The following KIF2A variants were observed in gnomAD, a reference collection of about 807,000 sequenced individuals.
KIF2A encodes the protein kinesin family member 2A.
Under a neutral mutation model 100.2 loss-of-function variants are expected in KIF2A, and 22 were observed. That is an observed-to-expected ratio of 0.22 (90% CI 0.16 to 0.31). The LOEUF (loss-of-function observed/expected upper bound fraction) is 0.31, where lower values mean the gene tolerates loss of function less well. Ranked by LOEUF, KIF2A falls within the 10% of genes least tolerant of loss-of-function variation. The pLI is 1.00. For missense variants in KIF2A, 495 were observed against 898.7 expected (o/e 0.55, Z 5.74); for synonymous variants, 268 against 285.9 (o/e 0.94, Z 0.63).
chr5:62,358,341 A>G (rs1748216548), intron 9 of KIF2A, 42 bp downstream of exon 9: 3 of 1,396,576 alleles, frequency 2.1e-6, no homozygotes, highest in Non-Finnish European at 2.9e-6. Flanking sequence ...TTCTTATGCC[A>G]TGTGGTCATC....
intron 1 of KIF2A, among the ~76,000 whole-genome samples, chr5:62,330,796 GAC>G (rs1746592688): frequency 6.6e-6 from 1 of 152,108 alleles, no homozygotes; most frequent in African/African-American, 2.4e-5. Context: ...ATCAAGAATA[GAC>G]ACACTATATA....
At chr5:62,314,034 C>G (rs1561245743) in intron 1 of KIF2A, among the ~76,000 whole-genome samples, 1 of 152,138 alleles carries the variant, frequency 6.6e-6, no homozygotes, top group Admixed American at 6.5e-5. Context: ...TCAAGCAATT[C>G]TCCCTCTTTG....
In KIF2A at chr5:62,308,594, C is replaced by G. The variant is rs1222091066; in HGVS notation, c.64+2058C>G. The stretch of plus-strand genomic sequence containing the variant: ...CAATGTACAATGGAACATTATTCAG[C>G]CTTAAAAAAGGAGATCCTACTGTTT... On this transcript the variant is annotated intron_variant, in intron 1 of 20. Coordinates refer to ENST00000407818, the MANE Select transcript of KIF2A (RefSeq NM_001098511.3). The G allele has an allele frequency of 4.3e-6, 3 of 700,054 alleles. No individual in the cohort carries two copies. The African/African-American group carries it at 5.3e-5, about 12-fold the overall frequency. The allele number at this position is 700,054 out of a possible 1,614,324, so 43.4% of individuals were successfully genotyped here.
rs1344873128 is a variant in KIF2A, at chr5:62,363,195, C to T, written c.1137C>T (p.Asn379=). 1.2e-6 allele frequency: 2 copies of T among 1,607,950 alleles called. No individual in the cohort carries two copies. Among genetic ancestry groups the T allele is most frequent in the Admixed American group, 1.7e-5 (1 of 58,876 alleles). Residue 379 remains asparagine (N), a synonymous_variant, in exon 13 of 21, where the codon AAC becomes AAT. Coordinates refer to ENST00000407818, the MANE Select transcript of KIF2A (RefSeq NM_001098511.3). ...TTTCATAGGTGTTTGACTTGCTAAA[C>T]AGGAAAACAAAATTAAGAGTTCTAG... ...IYSGKVFDLL[N]RKTKLRVLED... is the part of the protein sequence containing the mutation.
At chr5:62,379,844 ATAAGAGCT>A (rs573656751) in intron 19 of KIF2A, among the ~76,000 whole-genome samples, 5 of 152,232 alleles carry the variant, frequency 3.3e-5, no homozygotes, top group Non-Finnish European at 5.9e-5. Flanking sequence ...AAATCCACGT[ATAAGAGCT>A]TTTATGTCCA....
chr5:62,351,358 A>G (rs944578608), intron 4 of KIF2A, among the ~76,000 whole-genome samples: 1 of 152,182 alleles, frequency 6.6e-6, no homozygotes, highest in African/African-American at 2.4e-5. Flanking sequence ...TATTATGAGA[A>G]AGAAAGGAAT....
At chr5:62,318,170 A>G (rs573893618) in intron 1 of KIF2A, among the ~76,000 whole-genome samples, 6 of 151,866 alleles carry the variant, frequency 4.0e-5, no homozygotes, top group African/African-American at 1.4e-4. Flanking sequence ...GCAACCTCCA[A>G]CTCCCTGGTT....
In KIF2A at chr5:62,390,914, G is replaced by A; in HGVS notation, c.*5345G>A. ...CTATGTCCATGGAACGGGCCCGTTT[G>A]TCACTAAAACCTGTGCTGGTTAGGA... On this transcript the variant is annotated 3_prime_UTR_variant, in exon 21 of 21. Coordinates refer to ENST00000407818, the MANE Select transcript of KIF2A (RefSeq NM_001098511.3). 6.2e-7 allele frequency: 1 copy of A among 1,612,214 alleles called. No homozygotes were observed. Among genetic ancestry groups the A allele is most frequent in the Non-Finnish European group, 8.5e-7 (1 of 1,179,854 alleles).
intron 9 of KIF2A, among the ~76,000 whole-genome samples, chr5:62,359,205 A>C (rs998162262): frequency 6.6e-6 from 1 of 152,188 alleles, no homozygotes; most frequent in African/African-American, 2.4e-5. Flanking sequence ...TTAGATTTTC[A>C]TACGTAAGTT....
intron 1 of KIF2A, among the ~76,000 whole-genome samples, chr5:62,338,680 A>T (rs1044420723): frequency 1.9e-4 from 29 of 152,242 alleles, no homozygotes; most frequent in Non-Finnish European, 3.8e-4. Context: ...AACAAAAAAA[A>T]TCCATAATGG....
intron 1 of KIF2A, among the ~76,000 whole-genome samples, chr5:62,335,269 G>T (rs1746880757): frequency 6.6e-6 from 1 of 152,206 alleles, no homozygotes; most frequent in Non-Finnish European, 1.5e-5. Context: ...GCTGCGCATG[G>T]AGCTATTGGG....
intron 12 of KIF2A, 112 bp downstream of exon 12, chr5:62,362,653 C>T: frequency 2.4e-6 from 1 of 416,356 alleles, no homozygotes; most frequent in Non-Finnish European, 4.3e-6. Context: ...CATTGTTGTG[C>T]AGCGTTTACC....
intron 3 of KIF2A, 144 bp downstream of exon 3, chr5:62,348,311 A>G: frequency 1.4e-6 from 1 of 708,926 alleles, no homozygotes; most frequent in African/African-American, 1.8e-5. Context: ...TCATATATAT[A>G]CATACATATT....
chr5:62,348,223 G>A, intron 3 of KIF2A, 56 bp downstream of exon 3: 5 of 1,573,466 alleles, frequency 3.2e-6, no homozygotes, highest in Middle Eastern at 1.7e-4. Context: ...AGTTGTAGAT[G>A]TGTGTGTGTT....
chr5:62,355,141 C>A lies in KIF2A; in HGVS notation c.559-18C>A, dbSNP rs1417272374. 3.6e-6 allele frequency: 4 copies of A among 1,099,624 alleles called. No homozygotes were observed. Among genetic ancestry groups the A allele is most frequent in the Non-Finnish European group, 4.1e-6 (3 of 728,552 alleles). The allele number at this position is 1,099,624 out of a possible 1,614,324, so 68.1% of individuals were successfully genotyped here. A position where few individuals can be genotyped will look rare whatever the true frequency, so the allele number is the denominator to read the frequency against. ...ATTATTATATTTATAATGGTGAATT[C>A]TCTCTGTCTTCTAATAGGACGTTGA... On this transcript the variant is annotated intron_variant, in intron 6 of 20. Coordinates refer to ENST00000407818, the MANE Select transcript of KIF2A (RefSeq NM_001098511.3).
chr5:62,310,071 T>A (rs1211516462), intron 1 of KIF2A, among the ~76,000 whole-genome samples: 6 of 54,562 alleles, frequency 1.1e-4, no homozygotes, highest in Non-Finnish European at 2.1e-4. Flanking sequence ...CTAATAATTC[T>A]TTTTTTTTTT....
rs1476807955 is a variant in KIF2A, at chr5:62,390,946, G to A, written c.*5377G>A. The A allele has an allele frequency of 3.7e-6, 6 of 1,612,760 alleles. No individual in the cohort carries two copies. Among genetic ancestry groups the A allele is most frequent in the Non-Finnish European group, 5.1e-6 (6 of 1,179,890 alleles). ...AAACCTGTGCTGGTTAGGATTTGCT[G>A]TATTTTATCTGCTATGCTGAAATCT... On this transcript the variant is annotated 3_prime_UTR_variant, in exon 21 of 21. Transcript: ENST00000407818.
In KIF2A at chr5:62,310,070, C is replaced by T. The variant is rs10645782; in HGVS notation, c.64+3534C>T. On this transcript the variant is annotated intron_variant, in intron 1 of 20. Transcript: ENST00000407818. ...TGGGACTTACTAATAACTAATAATT[C>T]TTTTTTTTTTTTTTTTTGAGACAGA... is the stretch of plus-strand genomic sequence containing the variant. Among the ~76,000 whole-genome samples the T allele has an allele frequency of 2.8e-4, 40 of 142,782 alleles. 1 individual carries two copies. Among genetic ancestry groups the T allele is most frequent in the Admixed American group, 4.2e-4 (6 of 14,302 alleles). 93.7% of individuals were successfully genotyped at this position (142,782 alleles called of 152,430 possible).
intron 1 of KIF2A, among the ~76,000 whole-genome samples, chr5:62,315,743 T>C (rs16890622): frequency 0.52 from 78,727 of 152,032 alleles, 21,172 homozygotes; most frequent in South Asian, 0.62. Flanking sequence ...GAAACTACTA[T>C]AGGACTTAAT....
Sources: allele counts gnomAD v4.1 joint callset (sites outside exome capture counted in the v4.1 genomes callset), GRCh38; gene constraint gnomAD v4.1.1; transcripts MANE v1.5; gene names NCBI Gene and HGNC (gene_info 2026-07-23, HGNC 2026-07-21).